The following EBP variants were observed in gnomAD, a reference collection of about 807,000 sequenced individuals.
EBP encodes 3-beta-hydroxysteroid-Delta(8),Delta(7)-isomerase.
EBP carries 1 observed loss-of-function variant against 14.1 expected under a neutral mutation model. The observed-to-expected ratio is 0.07, with a 90% confidence interval of 0.03 to 0.34. The LOEUF is 0.34. Among genes scored for constraint, EBP ranks in the 10% least tolerant of loss-of-function variants. The probability of loss-of-function intolerance (pLI) is 0.99; values close to 1 mark genes in which losing one functional copy is unlikely to be tolerated. For missense variants in EBP, 123 were observed against 184.6 expected (o/e 0.67, Z 1.93); for synonymous variants, 72 against 77.7 (o/e 0.93, Z 0.38).
At chrX:48,526,089 C>CAAA (rs781869054) in intron 2 of EBP, among the ~76,000 whole-genome samples, 15 of 41,554 alleles carry the variant, frequency 3.6e-4, no homozygotes, top group East Asian at 1.7e-3. Flanking sequence ...GGCTCCGTCT[C>CAAA]AAAAAAAAAA....
intron 4 of EBP, among the ~76,000 whole-genome samples, chrX:48,528,008 A>G (rs186019523): frequency 8.9e-6 from 1 of 112,041 alleles, no homozygotes; most frequent in Admixed American, 9.5e-5. Flanking sequence ...GAGGATTTTG[A>G]ACTTCCTTAA....
At chrX:48,527,512 A>AGGAGACTTTGTGATGG in intron 4 of EBP, 1 of 507,455 alleles carries the variant, frequency 2.0e-6, no homozygotes, top group Non-Finnish European at 3.2e-6. Context: ...TCTCCATCAC[A>AGGAGACTTTGTGATGG]AAGTCTCCTG....
intron 4 of EBP, 145 bp downstream of exon 4, chrX:48,527,430 T>C: frequency 1.0e-6 from 1 of 969,508 alleles, no homozygotes; most frequent in Non-Finnish European, 1.4e-6. Flanking sequence ...CCTGAGGCTC[T>C]GGAAAGGTCA....
chrX:48,527,333 G>A (rs782008789), intron 4 of EBP, 48 bp downstream of exon 4: 77 of 1,208,613 alleles, frequency 6.4e-5, no homozygotes, highest in Non-Finnish European at 8.2e-5. Flanking sequence ...GGGGTTGATG[G>A]GGGATCCACA....
chrX:48,522,791 G>C (rs782378024), intron 1 of EBP, among the ~76,000 whole-genome samples: 1 of 112,100 alleles, frequency 8.9e-6, no homozygotes, highest in African/African-American at 3.2e-5. Context: ...TCCTGCCTCA[G>C]CCTCCTGAGT....
chrX:48,528,445 CAAG>C lies in EBP; in HGVS notation c.687_689del (p.Lys229del), dbSNP rs587783620. The C allele has an allele frequency of 1.2e-5, 14 of 1,167,320 alleles. No individual in the cohort carries two copies. Among genetic ancestry groups the C allele is most frequent in the Non-Finnish European group, 1.5e-5 (13 of 872,881 alleles). On this transcript the variant is annotated inframe_deletion, in exon 5 of 5. Coordinates refer to ENST00000495186, the MANE Select transcript of EBP (RefSeq NM_006579.3). ...ATGCCAAGGCCACAAAAGCCAAGAG[CAAG>C]AAGAACTGAGGAGTGGTGGACCAGG...
chrX:48,523,146 T>G (rs1367505320), intron 1 of EBP, among the ~76,000 whole-genome samples: 2 of 112,254 alleles, frequency 1.8e-5, no homozygotes, highest in Non-Finnish European at 3.8e-5. Context: ...AGAGACAGTT[T>G]CGCTGTGTTG....
rs782299900 is a variant in EBP, at chrX:48,523,711, C to CTTT, written c.-45_-43dup. On this transcript the variant is annotated 5_prime_UTR_variant, in exon 2 of 5. Transcript: ENST00000495186. Reference sequence around the variant, plus strand: ...TCTATTTGTCCAGGTTTTTCTGTTCCTTTTTTTTTTTTTTTTTTAACTTCC... The same window carrying CTTT: ...TCTATTTGTCCAGGTTTTTCTGTTCCTTTTTTTTTTTTTTTTTTTTTAACTTCC... 1.4e-3 allele frequency: 1,190 copies of CTTT among 856,688 alleles called. 1 individual carries two copies. Among genetic ancestry groups the CTTT allele is most frequent in the Middle Eastern group, 4.5e-3 (11 of 2,425 alleles). 70.6% of individuals were successfully genotyped at this position (856,688 alleles called of 1,213,427 possible).
chrX:48,524,318 C>A lies in EBP; in HGVS notation c.301+246C>A, dbSNP rs1314529115. On this transcript the variant is annotated intron_variant, in intron 2 of 4. Coordinates refer to ENST00000495186, the MANE Select transcript of EBP (RefSeq NM_006579.3). ...GACCAGCCTGGTCAACATGGCAAAA[C>A]CCCATCTCTACTAAAAATACAAAAA... Among the ~76,000 whole-genome samples the A allele has an allele frequency of 2.7e-5, 3 of 110,037 alleles. No individual in the cohort carries two copies. In the East Asian group the frequency reaches 8.6e-4, roughly 32 times the overall value.
rs782185557 is a variant in EBP, at chrX:48,524,008, C to G, written c.237C>G (p.Ile79Met). ...TGTGTGGGTTCATTCACCTGGTGAT[C>G]GAGGGCTGGTTCGTTCTCTACTACG... is the stretch of plus-strand genomic sequence containing the variant. Reference protein sequence around the residue: ...FAVCGFIHLVIEGWFVLYYED... With the variant: ...FAVCGFIHLVMEGWFVLYYED... The change falls in exon 2 of 5, where the codon ATC becomes ATG. Residue 79 changes from isoleucine (I) to methionine (M), a missense_variant. Physicochemically the swap from Ile to Met is conservative, Grantham distance 10. Coordinates refer to ENST00000495186, the MANE Select transcript of EBP (RefSeq NM_006579.3). The G allele has an allele frequency of 8.3e-7, 1 of 1,211,076 alleles. No individual in the cohort carries two copies. The highest frequency in any genetic ancestry group is 1.8e-5 in the South Asian group (1 of 56,942).
rs781869034 is a variant in EBP, at chrX:48,528,513, A to G, written c.*56A>G. ...GAGGAGGAGCTCTCTGCCTGCCAGAAGAGTCTAGTCCTGCTCCCACAGTTT... is the reference window on the plus strand; with the variant it reads ...GAGGAGGAGCTCTCTGCCTGCCAGAGGAGTCTAGTCCTGCTCCCACAGTTT... On this transcript the variant is annotated 3_prime_UTR_variant, in exon 5 of 5. Coordinates refer to ENST00000495186, the MANE Select transcript of EBP (RefSeq NM_006579.3). 7.7e-6 allele frequency: 8 copies of G among 1,032,814 alleles called. No homozygotes were observed. In the South Asian group the frequency reaches 1.6e-4, roughly 21 times the overall value. The allele number at this position is 1,032,814 out of a possible 1,213,427, so 85.1% of individuals were successfully genotyped here.
rs892848191 is a variant in EBP at position 48,528,130 on chromosome X, T to A, written c.470-104T>A. 1.7e-4 allele frequency: 112 copies of A among 650,034 alleles called. No homozygotes were observed. In the South Asian group the frequency reaches 2.3e-3, roughly 14 times the overall value. 53.6% of individuals were successfully genotyped at this position (650,034 alleles called of 1,213,427 possible). Reference sequence around the variant, plus strand: ...GCTCTGTGATTTCAGAATACTTAGCTCTGAGACCTTGAATGATGACTTGGA... The same window carrying A: ...GCTCTGTGATTTCAGAATACTTAGCACTGAGACCTTGAATGATGACTTGGA... On this transcript the variant is annotated intron_variant, in intron 4 of 4. Transcript: ENST00000495186.
chrX:48,527,402 A>C (rs1394569142), intron 4 of EBP, 117 bp downstream of exon 4: 2 of 1,102,716 alleles, frequency 1.8e-6, no homozygotes, highest in Non-Finnish European at 2.5e-6. Context: ...GGGGTAAGTC[A>C]GACTGAATGA....
At chrX:48,523,286 G>A (rs2061768806) in intron 1 of EBP, among the ~76,000 whole-genome samples, 1 of 111,384 alleles carries the variant, frequency 9.0e-6, no homozygotes. Context: ...CGGGCGCAGT[G>A]GCTCACGCCT....
At chrX:48,527,419 C>T (rs1236077744) in intron 4 of EBP, 134 bp downstream of exon 4, 1 of 1,032,835 alleles carries the variant, frequency 9.7e-7, no homozygotes, top group African/African-American at 1.9e-5. Context: ...ATGACAAACC[C>T]CCTGAGGCTC....
At chrX:48,525,161 A>G (rs1397387985) in intron 2 of EBP, among the ~76,000 whole-genome samples, 1 of 112,214 alleles carries the variant, frequency 8.9e-6, no homozygotes, top group Non-Finnish European at 1.9e-5. Context: ...GTAAGTCTCA[A>G]TTTGCTCAAT....
chrX:48,527,598 A>G (rs1421645438), intron 4 of EBP: 2 of 327,776 alleles, frequency 6.1e-6, no homozygotes, highest in Non-Finnish European at 1.1e-5. Context: ...AGATCCCTTC[A>G]TGTAAGATTC....
In EBP at chrX:48,528,322, G is replaced by T; in HGVS notation, c.558G>T (p.Trp186Cys). Residue 186 changes from tryptophan to cysteine, a missense_variant, in exon 5 of 5, where the codon TGG becomes TGT. Physicochemically the swap from Trp to Cys is radical, Grantham distance 215 (BLOSUM62 -2). Coordinates refer to ENST00000495186, the MANE Select transcript of EBP (RefSeq NM_006579.3). ...HGELGHPLYF[W>C]FYFVFMNALW... The stretch of plus-strand genomic sequence containing the variant: ...AGCTGGGCCACCCTCTCTACTTCTG[G>T]TTTTACTTTGTCTTCATGAATGCCC... 2 of 1,210,072 alleles carry T rather than the reference G, an allele frequency of 1.7e-6. No individual in the cohort carries two copies. Among genetic ancestry groups the T allele is most frequent in the Non-Finnish European group, 2.2e-6 (2 of 894,864 alleles).
chrX:48,522,052 C>G (rs2147153016), intron 1 of EBP, 145 bp downstream of exon 1: 1 of 110,558 alleles, frequency 9.0e-6, no homozygotes, highest in East Asian at 2.9e-4. Flanking sequence ...AGCTACCGCA[C>G]GGTTGTCCAG....
Sources: gnomAD v4.1 joint callset for allele counts (sites outside exome capture counted in the v4.1 genomes callset) on GRCh38, gnomAD v4.1.1 for gene constraint, MANE v1.5 for transcripts, NCBI Gene and HGNC (gene_info 2026-07-23, HGNC 2026-07-21) for gene names.